The following MBNL3 variants were observed in gnomAD, a reference collection of about 807,000 sequenced individuals.
MBNL3 encodes the protein muscleblind-like protein 3.
A neutral mutation model predicts 24.5 loss-of-function variants in MBNL3; 6 were observed. That is an observed-to-expected ratio of 0.25 (90% CI 0.13 to 0.48). The LOEUF is 0.48. MBNL3 is among the 20% of genes least tolerant of loss of function. The probability of loss-of-function intolerance (pLI) is 0.99; values close to 1 mark genes in which losing one functional copy is unlikely to be tolerated. For missense variants in MBNL3, 230 were observed against 293.5 expected (o/e 0.78, Z 1.58); for synonymous variants, 100 against 101.7 (o/e 0.98, Z 0.10).
chrX:132,380,342 T>C (rs963624886), intron 8 of MBNL3, among the ~76,000 whole-genome samples: 1 of 112,134 alleles, frequency 8.9e-6, no homozygotes. Flanking sequence ...AAAACCTACA[T>C]TATCATGTTT....
At chrX:132,456,598 A>T (rs1423084433) in intron 1 of MBNL3, among the ~76,000 whole-genome samples, 1 of 112,386 alleles carries the variant, frequency 8.9e-6, no homozygotes, top group African/African-American at 3.2e-5. Context: ...AAAGGGCAAC[A>T]TTAAAATTTC....
intron 5 of MBNL3, among the ~76,000 whole-genome samples, chrX:132,390,147 C>A (rs966334466): frequency 1.9e-5 from 2 of 106,845 alleles, no homozygotes; most frequent in Non-Finnish European, 3.8e-5. Flanking sequence ...GAGCTGAGAT[C>A]ACGCCACTGC....
intron 2 of MBNL3, among the ~76,000 whole-genome samples, chrX:132,410,382 AAAGG>A (rs766396066): frequency 2.1e-4 from 24 of 111,648 alleles, no homozygotes; most frequent in African/African-American, 7.5e-4. Context: ...CAGAATAAGA[AAAGG>A]AACCTGGGAG....
At chrX:132,473,457 G>A (rs1295884383) in intron 1 of MBNL3, among the ~76,000 whole-genome samples, 2 of 111,966 alleles carry the variant, frequency 1.8e-5, no homozygotes, top group African/African-American at 6.5e-5. Flanking sequence ...TGTTGATTTT[G>A]TGCAATCTGT....
chrX:132,418,500 T>C (rs964939157), intron 2 of MBNL3, among the ~76,000 whole-genome samples: 3 of 112,037 alleles, frequency 2.7e-5, no homozygotes, highest in African/African-American at 9.7e-5. Flanking sequence ...TCAATCAAGA[T>C]ACTGTGCTTC....
chrX:132,451,682 T>G (rs1306322649), intron 1 of MBNL3, among the ~76,000 whole-genome samples: 2 of 111,174 alleles, frequency 1.8e-5, no homozygotes, highest in Non-Finnish European at 3.8e-5. Context: ...AGTGAACAGT[T>G]CTGTCTCACT....
intron 2 of MBNL3, among the ~76,000 whole-genome samples, chrX:132,412,319 G>T (rs1207597265): frequency 1.3e-4 from 15 of 111,362 alleles, no homozygotes; most frequent in Non-Finnish European, 2.5e-4. Context: ...ACCTGGGCCT[G>T]CCCAGGAGGG....
chrX:132,455,178 A>T (rs1312100464), intron 1 of MBNL3, among the ~76,000 whole-genome samples: 3 of 111,681 alleles, frequency 2.7e-5, no homozygotes, highest in Non-Finnish European at 3.8e-5. Context: ...ATCTCAACAA[A>T]TCTCAAAAGA....
intron 5 of MBNL3, among the ~76,000 whole-genome samples, chrX:132,387,082 G>A (rs1295433007): frequency 5.5e-5 from 6 of 108,716 alleles, no homozygotes; most frequent in Non-Finnish European, 9.5e-5. Flanking sequence ...AGACCAGCCC[G>A]GGCAATATGG....
chrX:132,475,224 T>C (rs1425340316), intron 1 of MBNL3, among the ~76,000 whole-genome samples: 3 of 112,189 alleles, frequency 2.7e-5, no homozygotes. Flanking sequence ...TTCATCCACC[T>C]CTCAAGCCTC....
intron 1 of MBNL3, among the ~76,000 whole-genome samples, chrX:132,462,734 G>A (rs1946690644): frequency 9.0e-6 from 1 of 111,290 alleles, no homozygotes; most frequent in Admixed American, 9.6e-5. Flanking sequence ...TTGGACATAG[G>A]TGTGGAATCT....
At position 132,378,036 on chromosome X, in the gene MBNL3, T is replaced by G. The variant is rs1009875429; in HGVS notation, c.*1630A>C. On this transcript the variant is annotated 3_prime_UTR_variant, in exon 9 of 9. Coordinates refer to ENST00000370853, the MANE Select transcript of MBNL3 (RefSeq NM_001386889.1). The stretch of plus-strand genomic sequence containing the variant: ...ATTAGTAATGTGAACTCAGCTGAGC[T>G]CTGTGGAGTATAGCCACTCTGTCTC... 2 of 110,347 alleles carry G rather than the reference T, an allele frequency of 1.8e-5. No homozygotes were observed. Among genetic ancestry groups the G allele is most frequent in the Non-Finnish European group, 3.8e-5 (2 of 52,783 alleles). 9.1% of individuals were successfully genotyped at this position (110,347 alleles called of 1,213,427 possible).
intron 2 of MBNL3, among the ~76,000 whole-genome samples, chrX:132,435,192 A>G (rs1945051469): frequency 8.9e-6 from 1 of 111,863 alleles, no homozygotes; most frequent in Non-Finnish European, 1.9e-5. Flanking sequence ...CTATAATTGT[A>G]ATTCTATTTT....
At chrX:132,386,019 A>G (rs1232870730) in intron 6 of MBNL3, among the ~76,000 whole-genome samples, 1 of 111,521 alleles carries the variant, frequency 9.0e-6, no homozygotes, top group Non-Finnish European at 1.9e-5. Context: ...TTTCCCCCCA[A>G]TATATGATAT....
chrX:132,450,737 G>A (rs1032644960), intron 1 of MBNL3, among the ~76,000 whole-genome samples: 1 of 111,834 alleles, frequency 8.9e-6, no homozygotes, highest in Non-Finnish European at 1.9e-5. Flanking sequence ...CTTTGGAGGA[G>A]AAGAGGCATT....
rs188369754 is a variant in MBNL3, at chrX:132,395,330, C to A, written c.343-2996G>T. On this transcript the variant is annotated intron_variant, in intron 3 of 8. Coordinates refer to ENST00000370853, the MANE Select transcript of MBNL3 (RefSeq NM_001386889.1). ...ATCTCAGCCCTTGATGTCAGTTGAG[C>A]TAACATGAACCTATCTGTGGGTTAA... 2.3e-4 allele frequency among the ~76,000 whole-genome samples: 26 copies of A among 111,573 alleles called. No homozygotes were observed. In the Admixed American group the frequency reaches 2.5e-3, roughly 11 times the overall value.
At chrX:132,442,374 A>G (rs1470800489) in intron 1 of MBNL3, among the ~76,000 whole-genome samples, 1 of 112,135 alleles carries the variant, frequency 8.9e-6, no homozygotes, top group Non-Finnish European at 1.9e-5. Flanking sequence ...GTTTCTCCTT[A>G]GCCAGAGATT....
rs889031466 is a variant in MBNL3 at position 132,374,713 on chromosome X, A to G, written c.*4953T>C. 3 of 111,906 alleles carry G rather than the reference A, an allele frequency of 2.7e-5. No individual in the cohort carries two copies. Among genetic ancestry groups the G allele is most frequent in the Admixed American group, 9.5e-5 (1 of 10,537 alleles). 9.2% of individuals were successfully genotyped at this position (111,906 alleles called of 1,213,427 possible). On this transcript the variant is annotated 3_prime_UTR_variant, in exon 9 of 9. Coordinates refer to ENST00000370853, the MANE Select transcript of MBNL3 (RefSeq NM_001386889.1). The stretch of plus-strand genomic sequence containing the variant: ...TGAGACAGTCAATTAACTGCAGCAT[A>G]TGTTTCTTAAACACTGTTAAGGGGT...
In MBNL3 at chrX:132,379,626, G is replaced by T; in HGVS notation, c.*40C>A. On this transcript the variant is annotated 3_prime_UTR_variant, in exon 9 of 9. Coordinates refer to ENST00000370853, the MANE Select transcript of MBNL3 (RefSeq NM_001386889.1). ...ATATATATAGAAAGGCCATATGGAG[G>T]TTTCCATGGAAAGATTCTGATACTC... The T allele has an allele frequency of 8.5e-7, 1 of 1,183,247 alleles. No homozygotes were observed. Among genetic ancestry groups the T allele is most frequent in the Non-Finnish European group, 1.1e-6 (1 of 874,816 alleles).
Sources: allele counts gnomAD v4.1 joint callset (sites outside exome capture counted in the v4.1 genomes callset), GRCh38; gene constraint gnomAD v4.1.1; transcripts MANE v1.5; gene names NCBI Gene and HGNC (gene_info 2026-07-23, HGNC 2026-07-21).